Variants in LNPEP observed in about 807,000 individuals in gnomAD.
LNPEP encodes leucyl and cystinyl aminopeptidase.
LNPEP carries 64 observed loss-of-function variants against 120.6 expected under a neutral mutation model. That is an observed-to-expected ratio of 0.53 (90% CI 0.43 to 0.65). LNPEP has a LOEUF of 0.65. LNPEP is among the 30% of genes least tolerant of loss of function. The probability of loss-of-function intolerance (pLI) is 0.00; values close to 1 mark genes in which losing one functional copy is unlikely to be tolerated. For missense variants in LNPEP, 1,057 were observed against 1,200.0 expected (o/e 0.88, Z 1.76); for synonymous variants, 435 against 425.4 (o/e 1.02, Z -0.28).
intron 1 of LNPEP, among the ~76,000 whole-genome samples, chr5:96,953,279 C>T (rs1434888026): frequency 1.3e-5 from 2 of 152,160 alleles, no homozygotes; most frequent in South Asian, 2.1e-4. Context: ...GAGAGCTTGA[C>T]CCTCGCATTC....
In LNPEP at chr5:97,022,431, T is replaced by C. The variant is rs763068808; in HGVS notation, c.2508T>C (p.Ser836=). ...FACTHNLGNC[S]TTAMKLFDDW... ...GCACCCACAACCTGGGGAACTGCTC[T>C]ACTACTGCCATGAAACTGTTTGATG... Residue 836 remains serine, a synonymous_variant, in exon 14 of 18, where the codon TCT becomes TCC. Coordinates refer to ENST00000231368, the MANE Select transcript of LNPEP (RefSeq NM_005575.3). The C allele has an allele frequency of 2.5e-6, 4 of 1,613,986 alleles. No homozygotes were observed. In the Admixed American group the frequency reaches 5.0e-5, roughly 20 times the overall value.
Position 96,993,001 on chromosome 5 carries a change from A to G in LNPEP, c.1132-14A>G, listed in dbSNP as rs1217742991. Reference sequence around the variant, plus strand: ...TGTACCTGTCCTTGCATCATACATAATGTTTTCCTTTAGGTTTCTATATAT... The same window carrying G: ...TGTACCTGTCCTTGCATCATACATAGTGTTTTCCTTTAGGTTTCTATATAT... On this transcript the variant is annotated splice_polypyrimidine_tract_variant and intron_variant, in intron 4 of 17. Coordinates refer to ENST00000231368, the MANE Select transcript of LNPEP (RefSeq NM_005575.3). 3 of 1,565,466 alleles carry G rather than the reference A, an allele frequency of 1.9e-6. No homozygotes were observed. The highest frequency in any genetic ancestry group is 2.6e-6 in the Non-Finnish European group (3 of 1,154,730).
intron 1 of LNPEP, among the ~76,000 whole-genome samples, chr5:96,955,806 T>TC (rs1466227555): frequency 7.9e-5 from 12 of 152,236 alleles, no homozygotes; most frequent in Admixed American, 7.8e-4. Context: ...TGGGGTAAAT[T>TC]CCCATAAGTC....
At chr5:96,951,192 T>A (rs1004902615) in intron 1 of LNPEP, among the ~76,000 whole-genome samples, 1 of 151,828 alleles carries the variant, frequency 6.6e-6, no homozygotes, top group Non-Finnish European at 1.5e-5. Context: ...GAATTTAACC[T>A]TAATTACCAT....
intron 5 of LNPEP, 38 bp from the exon 6 acceptor site, chr5:96,993,779 T>C (rs749926785): frequency 1.3e-6 from 2 of 1,598,412 alleles, no homozygotes; most frequent in Non-Finnish European, 1.7e-6. Context: ...ATGCCTAAGA[T>C]GAGGGAAAGT....
At chr5:96,959,698 A>C (rs1272579802) in intron 1 of LNPEP, among the ~76,000 whole-genome samples, 2 of 152,094 alleles carry the variant, frequency 1.3e-5, no homozygotes. Context: ...TAGACTTTTA[A>C]AATTTGATTT....
chr5:97,004,698 A>G (rs972894977), intron 9 of LNPEP, among the ~76,000 whole-genome samples: 1 of 152,114 alleles, frequency 6.6e-6, no homozygotes, highest in African/African-American at 2.4e-5. Context: ...TCTTTGCCTC[A>G]TCTGAATCCT....
chr5:96,954,768 A>ATTTTTTTT (rs1581981619), intron 1 of LNPEP, among the ~76,000 whole-genome samples: 3 of 36,096 alleles, frequency 8.3e-5, no homozygotes, highest in African/African-American at 2.0e-4. Context: ...ATATATATAT[A>ATTTTTTTT]TATATTTTTT....
At chr5:96,968,718 G>T (rs1457567756) in intron 1 of LNPEP, among the ~76,000 whole-genome samples, 5 of 152,028 alleles carry the variant, frequency 3.3e-5, no homozygotes, top group Non-Finnish European at 1.5e-5. Flanking sequence ...AATAAATAAA[G>T]AGGGAGAAAA....
At position 97,035,490 on chromosome 5, in the gene LNPEP, A is replaced by C. The variant is rs953461555; in HGVS notation, c.*6957A>C. The C allele has an allele frequency of 7.9e-5, 12 of 152,092 alleles. No homozygotes were observed. Among genetic ancestry groups the C allele is most frequent in the African/African-American group, 2.7e-4 (11 of 41,412 alleles). 9.4% of individuals were successfully genotyped at this position (152,092 alleles called of 1,614,324 possible). A position where few individuals can be genotyped will look rare whatever the true frequency, so the allele number is the denominator to read the frequency against. ...TTTATTTCATTTTGTAGTCTTTTGC[A>C]TGGCTATGTAGGGACCTAATGAAAG... On this transcript the variant is annotated 3_prime_UTR_variant, in exon 18 of 18. Coordinates refer to ENST00000231368, the MANE Select transcript of LNPEP (RefSeq NM_005575.3).
intron 1 of LNPEP, among the ~76,000 whole-genome samples, chr5:96,940,455 C>G (rs1279319147): frequency 6.9e-6 from 1 of 143,982 alleles, no homozygotes; most frequent in Admixed American, 6.9e-5. Context: ...AAAAAAAAAA[C>G]CCACAACCTC....
At chr5:97,016,738 T>A (rs79273273) in intron 13 of LNPEP, among the ~76,000 whole-genome samples, 5,688 of 152,298 alleles carry the variant, frequency 0.037, 182 homozygotes, top group Middle Eastern at 0.11. Context: ...AGATTTTTTT[T>A]ATATCTAAAA....
Position 96,979,814 on chromosome 5 carries a change from T to C in LNPEP, c.696T>C (p.Ala232=), listed in dbSNP as rs918547299. 8 of 1,613,924 alleles carry C rather than the reference T, an allele frequency of 5.0e-6. No individual in the cohort carries two copies. The highest frequency in any genetic ancestry group is 6.8e-6 in the Non-Finnish European group (8 of 1,179,952). Residue 232 remains alanine (A), a synonymous_variant, in exon 2 of 18, where the codon GCT becomes GCC. Transcript: ENST00000231368. ...CAGTTTCAAGCCAAGAAAAACAAGC[T>C]GAGATCCTGGAATATGCATATCATG... is the stretch of plus-strand genomic sequence containing the variant. ...MSAVSSQEKQ[A]EILEYAYHGQ...
At chr5:97,021,893 T>G (rs932318711) in intron 13 of LNPEP, among the ~76,000 whole-genome samples, 1 of 150,640 alleles carries the variant, frequency 6.6e-6, no homozygotes. Flanking sequence ...GATCTAATTG[T>G]CCTGGGGTTT....
chr5:97,000,455 A>C (rs939074290), intron 8 of LNPEP, among the ~76,000 whole-genome samples: 3 of 129,716 alleles, frequency 2.3e-5, no homozygotes, highest in Non-Finnish European at 5.0e-5. Context: ...ACTATTGCAT[A>C]AGAGTGGCTC....
intron 1 of LNPEP, chr5:96,958,742 C>CT (rs1451600319): frequency 6.6e-6 from 1 of 152,084 alleles, no homozygotes; most frequent in Non-Finnish European, 1.5e-5. Context: ...TCCTTGGCTC[C>CT]TGGCCCTGCT....
At chr5:96,948,636 G>T (rs961012501) in intron 1 of LNPEP, among the ~76,000 whole-genome samples, 1 of 152,120 alleles carries the variant, frequency 6.6e-6, no homozygotes, top group Non-Finnish European at 1.5e-5. Flanking sequence ...ACGTAGCATG[G>T]TCCCTGATTT....
At chr5:97,002,822 A>G (rs931743252) in intron 8 of LNPEP, among the ~76,000 whole-genome samples, 2 of 152,246 alleles carry the variant, frequency 1.3e-5, no homozygotes, top group Admixed American at 6.5e-5. Context: ...AAGCACATCA[A>G]TGGATATAGT....
At chr5:96,955,001 C>G (rs1789429113) in intron 1 of LNPEP, among the ~76,000 whole-genome samples, 1 of 149,476 alleles carries the variant, frequency 6.7e-6, no homozygotes, top group Admixed American at 6.6e-5. Flanking sequence ...CCAGGATGGT[C>G]TCCATCTCCT....
Sources: gnomAD v4.1 joint callset for allele counts (sites outside exome capture counted in the v4.1 genomes callset) on GRCh38, gnomAD v4.1.1 for gene constraint, MANE v1.5 for transcripts, NCBI Gene and HGNC (gene_info 2026-07-23, HGNC 2026-07-21) for gene names.